The following AGBL3 variants were observed in gnomAD, a reference collection of about 807,000 sequenced individuals.
AGBL3 encodes cytosolic carboxypeptidase 3.
In AGBL3, 68 loss-of-function variants were observed where a neutral mutation model predicts 94.5. That is an observed-to-expected ratio of 0.72 (90% confidence interval 0.59 to 0.88). AGBL3 has a LOEUF of 0.88. Ranked by LOEUF, AGBL3 falls within the 40% of genes least tolerant of loss-of-function variation. The probability of loss-of-function intolerance (pLI) is 0.00; values close to 1 mark genes in which losing one functional copy is unlikely to be tolerated. For missense variants in AGBL3, 934 were observed against 1,103.8 expected (o/e 0.85, Z 2.18); for synonymous variants, 354 against 370.7 (o/e 0.95, Z 0.52).
chr7:135,130,111 G>C (rs749451917), intron 16 of AGBL3, among the ~76,000 whole-genome samples: 5 of 151,960 alleles, frequency 3.3e-5, no homozygotes, highest in Non-Finnish European at 7.4e-5. Context: ...TTACAACTGG[G>C]GTAGGTAGAA....
chr7:135,016,030 CAAAAAAAAA>C (rs5887720), intron 4 of AGBL3, among the ~76,000 whole-genome samples: 1,541 of 141,288 alleles, frequency 0.011, 26 homozygotes, highest in African/African-American at 0.037. Flanking sequence ...CACTCCATCT[CAAAAAAAAA>C]AAAAAAAAAA....
intron 15 of AGBL3, among the ~76,000 whole-genome samples, chr7:135,084,272 T>C (rs1323091201): frequency 6.6e-6 from 1 of 152,152 alleles, no homozygotes. Flanking sequence ...TTTTGATACA[T>C]GTATACAATG....
intron 4 of AGBL3, among the ~76,000 whole-genome samples, chr7:135,005,245 A>G (rs4236651): frequency 0.93 from 141,206 of 151,732 alleles, 66,487 homozygotes; most frequent in Non-Finnish European, 1. Context: ...GTTTTGAGGT[A>G]CATTTTACAA....
At chr7:135,017,246 T>C (rs1275656605) in intron 5 of AGBL3, 87 bp downstream of exon 5, 1 of 1,020,494 alleles carries the variant, frequency 9.8e-7, no homozygotes, top group Admixed American at 2.1e-5. Context: ...CTGTTTGTAG[T>C]GGAAATTTCA....
At chr7:135,073,512 A>T (rs28793684) in intron 12 of AGBL3, among the ~76,000 whole-genome samples, 1 of 144,122 alleles carries the variant, frequency 6.9e-6, no homozygotes, top group Non-Finnish European at 1.5e-5. Flanking sequence ...ATAAATAAAT[A>T]AACCTTGCAG....
intron 1 of AGBL3, 129 bp downstream of exon 1, chr7:134,986,830 A>C (rs992164310): frequency 6.6e-6 from 1 of 152,296 alleles, no homozygotes; most frequent in African/African-American, 2.4e-5. Context: ...TTGTGGCCTC[A>C]TCGTGCTTCC....
At chr7:135,092,017 T>C (rs1369554330) in intron 15 of AGBL3, among the ~76,000 whole-genome samples, 2 of 152,224 alleles carry the variant, frequency 1.3e-5, no homozygotes, top group Admixed American at 6.5e-5. Flanking sequence ...ACTGAGAAGT[T>C]AGGCATTTAG....
At chr7:135,059,631 T>G (rs1818651383) in intron 12 of AGBL3, among the ~76,000 whole-genome samples, 1 of 152,184 alleles carries the variant, frequency 6.6e-6, no homozygotes, top group Non-Finnish European at 1.5e-5. Context: ...AGACAACAGC[T>G]TTCCCTTTGT....
chr7:135,076,236 G>A (rs535286181), intron 12 of AGBL3, among the ~76,000 whole-genome samples, 161 bp from the exon 13 acceptor site: 1 of 152,260 alleles, frequency 6.6e-6, no homozygotes, highest in South Asian at 2.1e-4. Flanking sequence ...ATCTTTTAGA[G>A]CTTCTTATAT....
At chr7:135,007,083 CTG>C in intron 4 of AGBL3, among the ~76,000 whole-genome samples, 1 of 151,990 alleles carries the variant, frequency 6.6e-6, no homozygotes, top group African/African-American at 2.4e-5. Flanking sequence ...AGCTTCATTG[CTG>C]AATTCTTCCA....
chr7:135,034,983 A>G lies in AGBL3; in HGVS notation c.1337+55A>G, dbSNP rs898734027. 8 of 1,401,704 alleles carry G rather than the reference A, an allele frequency of 5.7e-6. No individual in the cohort carries two copies. The East Asian group carries it at 1.8e-4, about 31-fold the overall frequency. The allele number at this position is 1,401,704 out of a possible 1,614,324, so 86.8% of individuals were successfully genotyped here. Reference sequence around the variant, plus strand: ...TTATTTAGTAAACTTGGTAGTAACAATTTTGCTCCCACAATCTCATTCATT... The same window carrying G: ...TTATTTAGTAAACTTGGTAGTAACAGTTTTGCTCCCACAATCTCATTCATT... On this transcript the variant is annotated intron_variant, in intron 7 of 16. Transcript: ENST00000436302.
intron 15 of AGBL3, among the ~76,000 whole-genome samples, chr7:135,087,218 C>A (rs531063927): frequency 4.6e-5 from 7 of 151,480 alleles, no homozygotes; most frequent in African/African-American, 1.7e-4. Flanking sequence ...TTATTTGGGT[C>A]TTTTCTTTTT....
At chr7:135,086,923 T>C (rs1257944242) in intron 15 of AGBL3, among the ~76,000 whole-genome samples, 2 of 152,004 alleles carry the variant, frequency 1.3e-5, no homozygotes, top group South Asian at 2.1e-4. Flanking sequence ...GAAGAACTGG[T>C]ATTTGTTCTT....
chr7:135,134,948 A>T lies in AGBL3; in HGVS notation c.2450A>T (p.Glu817Val). The change falls in exon 17 of 17, where the codon GAA (glutamate) becomes GTA (valine). Residue 817 changes from glutamate to valine, a missense_variant. Glu to Val is a moderately radical substitution (Grantham distance 121). This residue lies in a region of AGBL3 where 441 missense variants were observed against 518.2 expected (regional missense o/e 0.85). Transcript: ENST00000436302. ...IQGDVMANSS[E>V]WVQSKPHRSL... is the part of the protein sequence containing the mutation. ...GGGGATGTTATGGCAAACTCTTCAG[A>T]ATGGGTCCAGTCTAAGCCCCACAGG... is the stretch of plus-strand genomic sequence containing the variant. 1.3e-6 allele frequency: 2 copies of T among 1,551,224 alleles called. No individual in the cohort carries two copies. Among genetic ancestry groups the T allele is most frequent in the Non-Finnish European group, 1.7e-6 (2 of 1,146,654 alleles).
intron 15 of AGBL3, among the ~76,000 whole-genome samples, chr7:135,099,259 T>C (rs1355668384): frequency 6.6e-6 from 1 of 152,148 alleles, no homozygotes; most frequent in Non-Finnish European, 1.5e-5. Flanking sequence ...ATAAATTCAG[T>C]TCTGGAATGT....
In AGBL3 at chr7:135,034,786, G is replaced by T; in HGVS notation, c.1195G>T (p.Val399Leu). 6.4e-7 allele frequency: 1 copy of T among 1,552,332 alleles called. No homozygotes were observed. The highest frequency in any genetic ancestry group is 1.7e-4 in the Middle Eastern group (1 of 5,998). Residue 399 changes from valine to leucine, a missense_variant, in exon 7 of 17, where the codon GTG becomes TTG. Around this residue, in one of 3 missense-constraint regions of AGBL3, gnomAD observed 488 missense variants for 563.6 expected, o/e 0.87. Coordinates refer to ENST00000436302, the MANE Select transcript of AGBL3 (RefSeq NM_178563.4). ...GCTTCGGGACACTTTTGTCTTCAAG[G>T]TGGTACCCATGCTCAATCCAGATGG... Reference protein sequence around the residue: ...QLLRDTFVFKVVPMLNPDGVI... With the variant: ...QLLRDTFVFKLVPMLNPDGVI...
chr7:135,096,737 AAGAAT>A (rs1295871344), intron 15 of AGBL3, among the ~76,000 whole-genome samples: 4 of 131,772 alleles, frequency 3.0e-5, no homozygotes, highest in Non-Finnish European at 4.9e-5. Context: ...AAGAAAGAGA[AAGAAT>A]GAAAGAAAGA....
At chr7:135,035,942 A>G (rs1816262192) in intron 7 of AGBL3, among the ~76,000 whole-genome samples, 1 of 152,118 alleles carries the variant, frequency 6.6e-6, no homozygotes, top group African/African-American at 2.4e-5. Flanking sequence ...TATGTTATCA[A>G]TGAGAATTTA....
chr7:134,989,429 TG>T (rs1474831347), intron 3 of AGBL3, 119 bp downstream of exon 3: 3 of 699,770 alleles, frequency 4.3e-6, no homozygotes, highest in South Asian at 2.2e-5. Context: ...TAGTAGATTG[TG>T]AAAGAGAACT....
Sources: allele counts gnomAD v4.1 joint callset (sites outside exome capture counted in the v4.1 genomes callset), GRCh38; gene constraint gnomAD v4.1.1; regional missense constraint gnomAD v4.1.1; transcripts MANE v1.5; gene names NCBI Gene and HGNC (gene_info 2026-07-23, HGNC 2026-07-21).